The following TTC6 variants were observed in gnomAD, a reference collection of about 807,000 sequenced individuals.
TTC6 encodes tetratricopeptide repeat domain 6, also known as tetratricopeptide repeat protein 6.
In TTC6, 172 loss-of-function variants were observed where a neutral mutation model predicts 210.4. The observed-to-expected ratio is 0.82, with a 90% confidence interval of 0.72 to 0.93. The LOEUF (loss-of-function observed/expected upper bound fraction) is 0.93, where lower values mean the gene tolerates loss of function less well. Ranked by LOEUF, TTC6 falls within the 40% of genes least tolerant of loss-of-function variation. The pLI, the probability that TTC6 is intolerant of heterozygous loss-of-function variation, is 0.00. For synonymous variants in TTC6, 804 were observed against 819.6 expected (o/e 0.98, Z 0.32); for missense variants, 2,414 against 2,318.1 (o/e 1.04, Z -0.85).
chr14:37,732,712 G>A (rs1046184914), intron 7 of TTC6, among the ~76,000 whole-genome samples: 18 of 151,620 alleles, frequency 1.2e-4, no homozygotes, highest in Admixed American at 1.1e-3. Context: ...TCCGCCTCCT[G>A]GGTTCACGCC....
intron 14 of TTC6, among the ~76,000 whole-genome samples, chr14:37,753,613 G>T (rs1181491529): frequency 6.6e-6 from 1 of 152,108 alleles, no homozygotes; most frequent in Non-Finnish European, 1.5e-5. Flanking sequence ...CTATCACCCT[G>T]TCTACGGTGC....
At chr14:37,767,074 T>C (rs963042324) in intron 14 of TTC6, among the ~76,000 whole-genome samples, 2 of 152,162 alleles carry the variant, frequency 1.3e-5, no homozygotes, top group Non-Finnish European at 2.9e-5. Flanking sequence ...CTCATGATAG[T>C]TTACTGAGAA....
At position 37,739,587 on chromosome 14, in the gene TTC6, A is replaced by AAAAG. The variant is rs1555393320; in HGVS notation, c.2363+438_2363+441dup. Reference sequence around the variant, plus strand: ...CCATCTTAAAAAAAAAAAAAAAAAAAAAAGAAAGACAAACCCTCATTTAAA... The same window carrying AAAAG: ...CCATCTTAAAAAAAAAAAAAAAAAAAAAAGAAAGAAAGACAAACCCTCATTTAAA... On this transcript the variant is annotated intron_variant, in intron 10 of 30. Transcript: ENST00000553443. 1.4e-3 allele frequency among the ~76,000 whole-genome samples: 194 copies of AAAAG among 136,696 alleles called. 12 individuals are homozygous for AAAAG. Among genetic ancestry groups the AAAAG allele is most frequent in the Middle Eastern group, 7.8e-3 (2 of 258 alleles). The allele number at this position is 136,696 out of a possible 152,430, so 89.7% of individuals were successfully genotyped here. A position where few individuals can be genotyped will look rare whatever the true frequency, so the allele number is the denominator to read the frequency against.
chr14:37,734,977 A>G (rs190533100), intron 7 of TTC6, among the ~76,000 whole-genome samples: 5 of 152,278 alleles, frequency 3.3e-5, no homozygotes, highest in African/African-American at 1.2e-4. Context: ...TAAGCATATG[A>G]CAAAATGGTT....
chr14:37,726,394 A>G (rs1431768933), intron 7 of TTC6, among the ~76,000 whole-genome samples: 1 of 152,198 alleles, frequency 6.6e-6, no homozygotes, highest in East Asian at 1.9e-4. Flanking sequence ...AGTCTTGTTC[A>G]TATTTAACCT....
rs145205901 is a variant in TTC6, at chr14:37,777,716, C to T, written c.3267-9752C>T. ...CAGAGTCCTTGTGCTGGTTCTTTCT[C>T]ATCTTTTTGGGCTGAAGTTCCTTCA... On this transcript the variant is annotated intron_variant, in intron 14 of 30. Transcript: ENST00000553443. Among the ~76,000 whole-genome samples, 427 of 150,048 alleles carry T rather than the reference C, an allele frequency of 2.8e-3. 5 individuals carry two copies. Among genetic ancestry groups the T allele is most frequent in the African/African-American group, 9.4e-3 (383 of 40,922 alleles).
chr14:37,598,172 T>C lies in TTC6; in HGVS notation c.-235+2164T>C, dbSNP rs1219792919. Among the ~76,000 whole-genome samples the C allele has an allele frequency of 6.6e-6, 1 of 152,176 alleles. No homozygotes were observed. Among genetic ancestry groups the C allele is most frequent in the East Asian group, 1.9e-4 (1 of 5,180 alleles). On this transcript the variant is annotated intron_variant, in intron 1 of 2. Transcript: ENST00000556845. This position sits in a 1 kb window ranked among gnomAD's most constrained non-coding sequence, Gnocchi z 4.9. The stretch of plus-strand genomic sequence containing the variant: ...GCACCTACACCATTGGAAACTGTGC[T>C]TTGCAAGGATTGTGCTGCTCGTTGG...
intron 26 of TTC6, among the ~76,000 whole-genome samples, chr14:37,818,803 C>T (rs74520988): frequency 0.023 from 3,541 of 152,218 alleles, 139 homozygotes; most frequent in African/African-American, 0.08. Context: ...AACCTTTGTA[C>T]AATCTATCTC....
intron 1 of TTC6, among the ~76,000 whole-genome samples, chr14:37,653,694 G>A (rs2095716943): frequency 6.6e-6 from 1 of 151,974 alleles, no homozygotes; most frequent in South Asian, 2.1e-4. Context: ...TCTTTCTGAG[G>A]TCTTATGATA....
At chr14:37,765,626 AC>A (rs2095996913) in intron 14 of TTC6, among the ~76,000 whole-genome samples, 1 of 152,026 alleles carries the variant, frequency 6.6e-6, no homozygotes, top group South Asian at 2.1e-4. Flanking sequence ...CCTATTCAGT[AC>A]TTTTGTTGGT....
intron 26 of TTC6, among the ~76,000 whole-genome samples, chr14:37,821,172 A>T (rs1352827311): frequency 2.6e-5 from 4 of 151,554 alleles, no homozygotes; most frequent in Admixed American, 6.6e-5. Context: ...GGTTCAAGCA[A>T]TTCTCATGAC....
At chr14:37,618,584 G>A (rs890742147), upstream of TTC6, among the ~76,000 whole-genome samples, 1 of 152,204 alleles carries the variant, frequency 6.6e-6, no homozygotes, top group African/African-American at 2.4e-5. Context: ...ATTTTCTCAT[G>A]AGAATGAATG....
chr14:37,678,737 G>C (rs888802460), intron 1 of TTC6, among the ~76,000 whole-genome samples: 1 of 152,140 alleles, frequency 6.6e-6, no homozygotes, highest in African/African-American at 2.4e-5. Flanking sequence ...TCCTAAAAGA[G>C]TTGCTGTAAT....
At chr14:37,705,203 A>G (rs1240041413) in intron 5 of TTC6, among the ~76,000 whole-genome samples, 1 of 152,136 alleles carries the variant, frequency 6.6e-6, no homozygotes, top group East Asian at 1.9e-4. Context: ...CTTCAAATTA[A>G]AAAGGAAATT....
exon 10 of TTC6, chr14:37,738,847 A>G (rs986054173): frequency 5.2e-6 from 8 of 1,534,156 alleles, no homozygotes; most frequent in Admixed American, 2.0e-5. Context: ...ATGATATGCA[A>G]AGCAGTATAA....
intron 14 of TTC6, among the ~76,000 whole-genome samples, chr14:37,773,752 T>C (rs8016452): frequency 0.037 from 5,612 of 152,308 alleles, 140 homozygotes; most frequent in South Asian, 0.096. Context: ...TCTTTTTTGG[T>C]TCCATGTGAA....
At chr14:37,607,859 T>A (rs1014787244) in intron 2 of TTC6, among the ~76,000 whole-genome samples, 7 of 152,168 alleles carry the variant, frequency 4.6e-5, no homozygotes, top group Admixed American at 4.6e-4. Context: ...ATTTAAGACA[T>A]TTGAGACATT....
In TTC6 at chr14:37,684,127, G is replaced by A. The variant is rs2138570999; in HGVS notation, c.1257+1163G>A. Among the ~76,000 whole-genome samples, 3 of 152,166 alleles carry A rather than the reference G, an allele frequency of 2.0e-5. 1 individual carries two copies. The highest frequency in any genetic ancestry group is 7.2e-5 in the African/African-American group (3 of 41,524). On this transcript the variant is annotated intron_variant, in intron 3 of 30. Transcript: ENST00000553443. ...TCTGTGGCCTTCCTCTTCACTTGCT[G>A]TTTACATATAAATCAATCTCCAAGG... is the stretch of plus-strand genomic sequence containing the variant.
chr14:37,683,008 T>C, intron 3 of TTC6, 44 bp downstream of exon 5: 1 of 1,511,486 alleles, frequency 6.6e-7, no homozygotes, highest in African/African-American at 1.4e-5. Context: ...GTTATGAGAA[T>C]TGAGGATGTG....
Sources: allele counts gnomAD v4.1 joint callset (sites outside exome capture counted in the v4.1 genomes callset), GRCh38; gene constraint gnomAD v4.1.1; non-coding constraint Gnocchi (gnomAD v3.1); transcripts MANE v1.5; gene names NCBI Gene and HGNC (gene_info 2026-07-23, HGNC 2026-07-21).